The following NRAP variants were observed in gnomAD, a reference collection of about 807,000 sequenced individuals.
NRAP encodes the protein nebulin-related-anchoring protein.
Under a neutral mutation model 225.9 loss-of-function variants are expected in NRAP, and 189 were observed. The observed-to-expected ratio is 0.84, with a 90% CI of 0.74 to 0.94. The LOEUF (loss-of-function observed/expected upper bound fraction) is 0.94, where lower values mean the gene tolerates loss of function less well. NRAP is among the 40% of genes least tolerant of loss of function. The pLI, the probability that NRAP is intolerant of heterozygous loss-of-function variation, is 0.00. For missense variants in NRAP, 2,176 were observed against 2,168.7 expected, an observed-to-expected ratio of 1.00 and a Z score of -0.07; for synonymous variants, 769 against 790.7, an observed-to-expected ratio of 0.97 and a Z score of 0.46.
chr10:113,614,808 C>T (rs762517513), intron 28 of NRAP, 31 bp downstream of exon 28: 146 of 1,327,026 alleles, frequency 1.1e-4, no homozygotes, highest in Non-Finnish European at 1.6e-4. Context: ...TAGTGTTGAA[C>T]ATTGTCACAA....
At chr10:113,642,834 A>C (rs1444204007) in intron 12 of NRAP, 100 bp downstream of exon 12, 1 of 690,536 alleles carries the variant, frequency 1.4e-6, no homozygotes, top group Non-Finnish European at 2.6e-6. Context: ...ATGCTTCTCC[A>C]AGACACATAG....
chr10:113,653,611 C>T (rs1042919009), intron 5 of NRAP, among the ~76,000 whole-genome samples: 3 of 152,202 alleles, frequency 2.0e-5, no homozygotes, highest in South Asian at 2.1e-4. Flanking sequence ...TTACCTAGAG[C>T]GTAACCTGTG....
intron 14 of NRAP, among the ~76,000 whole-genome samples, chr10:113,639,282 C>A (rs971102387): frequency 6.6e-6 from 1 of 152,100 alleles, no homozygotes; most frequent in African/African-American, 2.4e-5. Flanking sequence ...CAATAAATAT[C>A]ATTTGCCAAT....
chr10:113,623,479 TA>T, intron 23 of NRAP, 49 bp downstream of exon 23: 3 of 1,222,090 alleles, frequency 2.5e-6, no homozygotes, highest in Non-Finnish European at 3.6e-6. Flanking sequence ...CTCCCCGGTA[TA>T]AAAAGGCAGG....
At chr10:113,647,712 C>A (rs1454345075) in intron 9 of NRAP, among the ~76,000 whole-genome samples, 2 of 152,096 alleles carry the variant, frequency 1.3e-5, no homozygotes. Flanking sequence ...CCCAGTGGTA[C>A]TGCCTTCCCC....
chr10:113,639,143 A>G (rs1849053386), intron 14 of NRAP, among the ~76,000 whole-genome samples: 1 of 121,944 alleles, frequency 8.2e-6, no homozygotes, highest in Admixed American at 9.1e-5. Flanking sequence ...GTCAAGTTTA[A>G]CTTTGTGAAA....
At chr10:113,655,830 C>T (rs139648342) in intron 4 of NRAP, among the ~76,000 whole-genome samples, 2 of 152,168 alleles carry the variant, frequency 1.3e-5, no homozygotes, top group African/African-American at 4.8e-5. Flanking sequence ...GAAATATTTC[C>T]AAGATATTTG....
Position 113,595,729 on chromosome 10 carries a change from T to G in NRAP, c.4432-2A>C. The G allele has an allele frequency of 1.3e-6, 2 of 1,588,424 alleles. No homozygotes were observed. The highest frequency in any genetic ancestry group is 1.1e-5 in the South Asian group (1 of 90,354). On this transcript the variant is annotated splice_acceptor_variant, in intron 37 of 41. Coordinates refer to ENST00000359988, the MANE Select transcript of NRAP (RefSeq NM_198060.4). LOFTEE classifies it high-confidence loss of function. ...TGCATCTCCAGATCTATACATGCGC[T>G]GTAGATAAGATGGGCTCATGGTAAA...
intron 4 of NRAP, among the ~76,000 whole-genome samples, chr10:113,654,567 A>G (rs1041780413): frequency 6.6e-6 from 1 of 151,684 alleles, no homozygotes; most frequent in East Asian, 1.9e-4. Context: ...ATGACCTACC[A>G]CCTTGGGAGA....
intron 32 of NRAP, 30 bp downstream of exon 32, chr10:113,608,384 G>A: frequency 7.2e-7 from 1 of 1,390,246 alleles, no homozygotes; most frequent in Non-Finnish European, 1.0e-6. Flanking sequence ...TTTTTAAAAA[G>A]ACCATTCCAA....
chr10:113,637,003 T>C (rs1005510032), intron 14 of NRAP, among the ~76,000 whole-genome samples: 3 of 44,946 alleles, frequency 6.7e-5, no homozygotes, highest in African/African-American at 2.2e-4. Flanking sequence ...CAAGACTTCA[T>C]CTCAAAAAAA....
rs867960386 is a variant in NRAP, at chr10:113,640,296, G to A, written c.1359C>T (p.Val453=). 16 of 1,600,348 alleles carry A rather than the reference G, an allele frequency of 1.0e-5. No homozygotes were observed. The highest frequency in any genetic ancestry group is 9.2e-5 in the East Asian group (4 of 43,294). The change falls in exon 14 of 42, where the codon GTC becomes GTT. Residue 453 remains valine, a synonymous_variant. Coordinates refer to ENST00000359988, the MANE Select transcript of NRAP (RefSeq NM_198060.4). ...TGAGAGTGGCTGGGTAGTTGTAGTC[G>A]ACAATATCATGTTTATAATCAGCTT... is the stretch of plus-strand genomic sequence containing the variant. ...AYKADYKHDI[V]DYNYPATLTP...
intron 7 of NRAP, 93 bp downstream of exon 7, chr10:113,651,710 G>T (rs187082313): frequency 2.8e-6 from 2 of 725,980 alleles, no homozygotes; most frequent in Admixed American, 2.2e-5. Context: ...ATACATGCAC[G>T]TGTATGTTCA....
At position 113,650,053 on chromosome 10, in the gene NRAP, G is replaced by T; in HGVS notation, c.872C>A (p.Ala291Glu). The change falls in exon 9 of 42, where the codon GCA becomes GAA. Residue 291 changes from alanine (A) to glutamate (E), a missense_variant. Physicochemically the swap from Ala to Glu is moderately radical, Grantham distance 107. Coordinates refer to ENST00000359988, the MANE Select transcript of NRAP (RefSeq NM_198060.4). Reference sequence around the variant, plus strand: ...ATCACATACCTGGCCATATTGGTCTGCACATTCCCTTGTCAAGATGCCCTC... The same window carrying T: ...ATCACATACCTGGCCATATTGGTCTTCACATTCCCTTGTCAAGATGCCCTC... ...GAEGILTRECADQYGQGYPEE... is the reference protein window; with the variant it reads ...GAEGILTRECEDQYGQGYPEE... 1.3e-6 allele frequency: 2 copies of T among 1,599,634 alleles called. No homozygotes were observed. Among genetic ancestry groups the T allele is most frequent in the African/African-American group, 1.3e-5 (1 of 74,648 alleles).
At chr10:113,632,963 G>GGAT (rs1848655239) in intron 16 of NRAP, 121 bp downstream of exon 16, 5 of 674,976 alleles carry the variant, frequency 7.4e-6, no homozygotes, top group Admixed American at 2.2e-5. Flanking sequence ...ACAACTTGAT[G>GGAT]GATGCCTCTG....
intron 35 of NRAP, among the ~76,000 whole-genome samples, chr10:113,600,782 G>A (rs773920442): frequency 2.0e-5 from 3 of 152,164 alleles, no homozygotes; most frequent in East Asian, 1.9e-4. Flanking sequence ...GTGCCTTATC[G>A]CCGCATCCTG....
chr10:113,645,965 G>T, intron 10 of NRAP, 24 bp from the exon 11 acceptor site: 4 of 1,249,160 alleles, frequency 3.2e-6, no homozygotes, highest in Non-Finnish European at 4.6e-6. Flanking sequence ...CACAAAACGG[G>T]GCTGGAGTTG....
chr10:113,649,965 C>T (rs188977145), intron 9 of NRAP, 72 bp downstream of exon 9: 1 of 859,174 alleles, frequency 1.2e-6, no homozygotes, highest in East Asian at 2.4e-5. Context: ...ATTAAATTGT[C>T]ATAGCTGTGT....
In NRAP at chr10:113,641,277, T is replaced by A. The variant is rs976497172; in HGVS notation, c.1323+88A>T. 8.8e-6 allele frequency: 7 copies of A among 792,032 alleles called. No individual in the cohort carries two copies. In the Admixed American group the frequency reaches 1.5e-4, roughly 17 times the overall value. 49.1% of individuals were successfully genotyped at this position (792,032 alleles called of 1,614,324 possible). On this transcript the variant is annotated intron_variant, in intron 13 of 41. Transcript: ENST00000359988. ...GTCTTTAAAATAGAAGACAGATTTT[T>A]TTTTAAGGGGAATTTAAAAAGAATT...
Sources: gnomAD v4.1 joint callset for allele counts (sites outside exome capture counted in the v4.1 genomes callset) on GRCh38, gnomAD v4.1.1 for gene constraint, MANE v1.5 for transcripts, NCBI Gene and HGNC (gene_info 2026-07-23, HGNC 2026-07-21) for gene names.